Variants in FTCDNL1 observed in about 807,000 individuals in gnomAD.
The protein encoded by FTCDNL1 is formiminotransferase cyclodeaminase N-terminal like, also known as formiminotransferase N-terminal subdomain-containing protein.
A neutral mutation model predicts 5.9 loss-of-function variants in FTCDNL1; 11 were observed. The observed-to-expected ratio is 1.87, with a 90% CI of 1.18 to 3.10. FTCDNL1 has a LOEUF of 3.10. Among genes scored for constraint, FTCDNL1 ranks in the 30% most tolerant of loss-of-function variants. FTCDNL1 has a pLI of 0.00. For missense variants in FTCDNL1, 115 were observed against 65.5 expected (o/e 1.76, Z -2.61); for synonymous variants, 58 against 24.8 (o/e 2.34, Z -3.99).
intron 3 of FTCDNL1, among the ~76,000 whole-genome samples, chr2:199,835,880 G>A (rs1702698238): frequency 6.6e-6 from 1 of 152,080 alleles, no homozygotes; most frequent in African/African-American, 2.4e-5. Context: ...TCAACTTTGA[G>A]GCCCCCTGGG....
At chr2:199,786,956 G>A (rs1178361391) in intron 3 of FTCDNL1, among the ~76,000 whole-genome samples, 1 of 152,026 alleles carries the variant, frequency 6.6e-6, no homozygotes. Flanking sequence ...CTGTTTCCTT[G>A]CCTTTTTCAG....
At chr2:199,756,880 G>A (rs1470787670), downstream of FTCDNL1, among the ~76,000 whole-genome samples, 2 of 152,144 alleles carry the variant, frequency 1.3e-5, no homozygotes, top group Non-Finnish European at 2.9e-5. Flanking sequence ...TGTTCTTCTG[G>A]CACAGGGAAA....
At chr2:199,793,857 A>C (rs193185140) in intron 3 of FTCDNL1, among the ~76,000 whole-genome samples, 107 of 152,334 alleles carry the variant, frequency 7.0e-4, no homozygotes, top group African/African-American at 2.5e-3. Context: ...TATTATTTTA[A>C]CAGATACTCA....
chr2:199,707,219 C>T, the FTCDNL1 span, among the ~76,000 whole-genome samples: 1 of 152,212 alleles, frequency 6.6e-6, no homozygotes, highest in African/African-American at 2.4e-5. Context: ...CCCCACTCCT[C>T]AATTTTCTGA....
chr2:199,764,264 C>T (rs1698405264), intron 3 of FTCDNL1, among the ~76,000 whole-genome samples: 1 of 152,186 alleles, frequency 6.6e-6, no homozygotes, highest in African/African-American at 2.4e-5. Flanking sequence ...TAAAACATTA[C>T]TTTGTTTAAT....
At chr2:199,837,008 G>A (rs1401185911) in intron 3 of FTCDNL1, among the ~76,000 whole-genome samples, 1 of 152,186 alleles carries the variant, frequency 6.6e-6, no homozygotes, top group Non-Finnish European at 1.5e-5. Flanking sequence ...AGAGAAAAGA[G>A]TGCAGCTTTT....
chr2:199,698,877 G>C, the FTCDNL1 span, among the ~76,000 whole-genome samples: 1 of 152,034 alleles, frequency 6.6e-6, no homozygotes, highest in Non-Finnish European at 1.5e-5. Flanking sequence ...CTGCTAGCTA[G>C]ACAAAGAAAG....
the FTCDNL1 span, among the ~76,000 whole-genome samples, chr2:199,700,750 C>G: frequency 6.6e-6 from 1 of 152,164 alleles, no homozygotes; most frequent in Non-Finnish European, 1.5e-5. Context: ...CTGCAACTAT[C>G]TGATCTTTGA....
the FTCDNL1 span, among the ~76,000 whole-genome samples, chr2:199,727,329 G>A: frequency 6.6e-6 from 1 of 152,186 alleles, no homozygotes. Context: ...GATCATCTTA[G>A]GCAGTCTCCA....
At chr2:199,763,271 A>C (rs1698355613) in intron 3 of FTCDNL1, among the ~76,000 whole-genome samples, 1 of 151,746 alleles carries the variant, frequency 6.6e-6, no homozygotes, top group African/African-American at 2.4e-5. Flanking sequence ...TGGATGCTCC[A>C]GGGGCTCTGA....
chr2:199,695,123 C>T, the FTCDNL1 span, among the ~76,000 whole-genome samples: 1 of 152,152 alleles, frequency 6.6e-6, no homozygotes, highest in Non-Finnish European at 1.5e-5. Flanking sequence ...GCAAGTCAAG[C>T]GACTAATCCC....
Position 199,819,679 on chromosome 2 carries a change from C to A in FTCDNL1, c.290G>T (p.Arg97Leu). The A allele has an allele frequency of 1.4e-6, 1 of 702,324 alleles. No individual in the cohort carries two copies. Among genetic ancestry groups the A allele is most frequent in the Non-Finnish European group, 2.6e-6 (1 of 384,812 alleles). 43.5% of individuals were successfully genotyped at this position (702,324 alleles called of 1,614,324 possible). A position where few individuals can be genotyped will look rare whatever the true frequency, so the allele number is the denominator to read the frequency against. The change falls in exon 4 of 5, where the codon CGC (arginine) becomes CTC (leucine). Residue 97 changes from arginine (R) to leucine (L), a missense_variant. By Grantham distance (102) the Arg-to-Leu change is moderately radical. Coordinates refer to ENST00000420128, the MANE Select transcript of FTCDNL1 (RefSeq NM_001363886.2). ...CTGCTTCCTTCTCTGCACAAGACTGCGCTTCTCAGGCAGGTCAGCTTCGCC... is the reference window on the plus strand; with the variant it reads ...CTGCTTCCTTCTCTGCACAAGACTGAGCTTCTCAGGCAGGTCAGCTTCGCC... ...LFGEADLPEK[R>L]SLVQRRKQLG...
chr2:199,848,564 G>A (rs1378328025), intron 2 of FTCDNL1, among the ~76,000 whole-genome samples: 1 of 152,232 alleles, frequency 6.6e-6, no homozygotes, highest in African/African-American at 2.4e-5. Context: ...CCAGGAGCCT[G>A]TCAATATCCT....
the FTCDNL1 span, among the ~76,000 whole-genome samples, chr2:199,725,509 T>G: frequency 1.2e-4 from 18 of 152,214 alleles, no homozygotes; most frequent in Admixed American, 4.6e-4. Flanking sequence ...AGTGTGTTTT[T>G]GTAGAGGCTG....
chr2:199,782,927 T>G lies in FTCDNL1; in HGVS notation c.212-22092A>C, dbSNP rs560483010. Among the ~76,000 whole-genome samples, 58 of 152,364 alleles carry G rather than the reference T, an allele frequency of 3.8e-4. 1 individual carries two copies. In the South Asian group the frequency reaches 9.5e-3, roughly 25 times the overall value. ...ATTAAACAAAGGACTATGATTTTTT[T>G]GGGGTGGTCATCCTTAACATATTGT... is the stretch of plus-strand genomic sequence containing the variant. On this transcript the variant is annotated intron_variant, in intron 3 of 3. Transcript: ENST00000416668.
chr2:199,765,346 C>A (rs1204963956), intron 3 of FTCDNL1, among the ~76,000 whole-genome samples: 2 of 151,470 alleles, frequency 1.3e-5, no homozygotes, highest in East Asian at 3.9e-4. Flanking sequence ...AGCAGGGGAG[C>A]AAGAAGTATA....
At chr2:199,807,014 A>T (rs1405082688), downstream of FTCDNL1, among the ~76,000 whole-genome samples, 1 of 152,244 alleles carries the variant, frequency 6.6e-6, no homozygotes, top group Non-Finnish European at 1.5e-5. Flanking sequence ...TTAAAAAACA[A>T]ATACTGATGA....
chr2:199,761,745 C>T (rs1698283406), intron 3 of FTCDNL1, among the ~76,000 whole-genome samples: 1 of 152,186 alleles, frequency 6.6e-6, no homozygotes, highest in Non-Finnish European at 1.5e-5. Flanking sequence ...CTTCCTGGGT[C>T]CTGTCTTCAG....
At chr2:199,823,979 T>C (rs372863823) in intron 3 of FTCDNL1, among the ~76,000 whole-genome samples, 4 of 152,294 alleles carry the variant, frequency 2.6e-5, no homozygotes, top group East Asian at 1.9e-4. Context: ...ACCTTCATCC[T>C]TTTCTTTAAA....
Sources: allele counts gnomAD v4.1 joint callset (sites outside exome capture counted in the v4.1 genomes callset), GRCh38; gene constraint gnomAD v4.1.1; transcripts MANE v1.5; gene names NCBI Gene and HGNC (gene_info 2026-07-23, HGNC 2026-07-21).